The following CAMKK2 variants were observed in gnomAD, a reference collection of about 807,000 sequenced individuals.
The protein encoded by CAMKK2 is calcium/calmodulin-dependent protein kinase kinase 2.
In CAMKK2, 30 loss-of-function variants were observed where a neutral mutation model predicts 67.2. The observed-to-expected ratio is 0.45, with a 90% confidence interval of 0.33 to 0.61. CAMKK2 has a LOEUF of 0.61. CAMKK2 is among the 20% of genes least tolerant of loss of function. The pLI, the probability that CAMKK2 is intolerant of heterozygous loss-of-function variation, is 0.02. For missense variants in CAMKK2, 643 were observed against 802.0 expected, an observed-to-expected ratio of 0.80 and a Z score of 2.39; for synonymous variants, 322 against 326.2, an observed-to-expected ratio of 0.99 and a Z score of 0.14.
chr12:121,248,825 G>A lies in CAMKK2; in HGVS notation c.1324-91C>T, dbSNP rs114555538. On this transcript the variant is annotated intron_variant, in intron 13 of 16. Transcript: ENST00000404169. ...GCGGAGCCACAAGGGCATGCAGGAC[G>A]GAGAGGCAAGGGCCTGTGGTCAGGC... The A allele has an allele frequency of 8.4e-4, 1,227 of 1,466,014 alleles. 11 individuals carry two copies. In the African/African-American group the frequency reaches 0.013, roughly 16 times the overall value. The allele number at this position is 1,466,014 out of a possible 1,614,324, so 90.8% of individuals were successfully genotyped here. A position where few individuals can be genotyped will look rare whatever the true frequency, so the allele number is the denominator to read the frequency against.
In CAMKK2 at chr12:121,258,659, C is replaced by T. The variant is rs184363270; in HGVS notation, c.796+1660G>A. Among the ~76,000 whole-genome samples, 302 of 152,180 alleles carry T rather than the reference C, an allele frequency of 2.0e-3. 1 individual carries two copies. Among genetic ancestry groups the T allele is most frequent in the African/African-American group, 7.2e-3 (298 of 41,518 alleles). On this transcript the variant is annotated intron_variant, in intron 7 of 16. Transcript: ENST00000404169. ...TTTTCAAAACCACTGGAATCACATA[C>T]CCCAAATTAGCATGGCTTTCTGCAA... is the stretch of plus-strand genomic sequence containing the variant.
In CAMKK2 at chr12:121,240,936, C is replaced by T; in HGVS notation, c.1597-67G>A. 1 of 1,542,328 alleles carries T rather than the reference C, an allele frequency of 6.5e-7. No individual in the cohort carries two copies. Among genetic ancestry groups the T allele is most frequent in the Non-Finnish European group, 8.8e-7 (1 of 1,130,714 alleles). Reference sequence around the variant, plus strand: ...TGCCAGCGAGGCCCTGAGCCAGCTGCTCCCACATCTGGGCCCCCTGCCCAA... The same window carrying T: ...TGCCAGCGAGGCCCTGAGCCAGCTGTTCCCACATCTGGGCCCCCTGCCCAA... On this transcript the variant is annotated intron_variant, in intron 16 of 16. Coordinates refer to ENST00000404169, the MANE Select transcript of CAMKK2 (RefSeq NM_001270485.2). This position sits in a 1 kb window ranked among gnomAD's most constrained non-coding sequence, Gnocchi z 4.4.
At chr12:121,251,533 C>T (rs59185521) in intron 11 of CAMKK2, among the ~76,000 whole-genome samples, 4,146 of 152,098 alleles carry the variant, frequency 0.027, 202 homozygotes, top group African/African-American at 0.095. Flanking sequence ...AGAGTTAAAA[C>T]GAGAAGGCCA....
At position 121,274,274 on chromosome 12, in the gene CAMKK2, T is replaced by A. The variant is rs3817190; in HGVS notation, c.253A>T (p.Thr85Ser). 0.41 allele frequency: 656,877 copies of A among 1,611,448 alleles called. 136,995 individuals carry two copies. The highest frequency in any genetic ancestry group is 0.58 in the African/African-American group (43,348 of 74,878). ...TGGGGCCGGGCCTGGGACCCGGAGGTGTCAAGGGGGACCTCTTGGCCATCG... is the reference window on the plus strand; with the variant it reads ...TGGGGCCGGGCCTGGGACCCGGAGGAGTCAAGGGGGACCTCTTGGCCATCG... Reference protein sequence around the residue: ...EADGQEVPLDTSGSQARPHLS... With the variant: ...EADGQEVPLDSSGSQARPHLS... Residue 85 changes from threonine to serine, a missense_variant, in exon 2 of 17, where the codon ACC becomes TCC. Around this residue, in one of 3 missense-constraint regions of CAMKK2, gnomAD observed 483 missense variants for 625.8 expected, o/e 0.77. Transcript: ENST00000404169.
At chr12:121,266,276 G>A (rs1406007442) in intron 5 of CAMKK2, among the ~76,000 whole-genome samples, 3 of 152,142 alleles carry the variant, frequency 2.0e-5, no homozygotes, top group African/African-American at 4.8e-5. Context: ...AATAAATATC[G>A]GTTAGGTTAA....
chr12:121,254,097 G>C (rs1297844265), intron 9 of CAMKK2, among the ~76,000 whole-genome samples: 1 of 152,188 alleles, frequency 6.6e-6, no homozygotes, highest in Admixed American at 6.5e-5. Flanking sequence ...GCCCTGCGTT[G>C]TGTTTCACAT....
At chr12:121,256,526 C>T (rs1892332006) in intron 7 of CAMKK2, among the ~76,000 whole-genome samples, 2 of 152,114 alleles carry the variant, frequency 1.3e-5, no homozygotes, top group South Asian at 2.1e-4. Context: ...CAAAAGAAAA[C>T]CTCATACCCA....
At chr12:121,252,974 G>A (rs1891088865) in intron 10 of CAMKK2, among the ~76,000 whole-genome samples, 1 of 152,200 alleles carries the variant, frequency 6.6e-6, no homozygotes, top group Admixed American at 6.5e-5. Flanking sequence ...GGTTTTCACA[G>A]GCACTATTCA....
intron 1 of CAMKK2, among the ~76,000 whole-genome samples, chr12:121,284,624 C>T (rs1229419777): frequency 6.6e-6 from 1 of 152,138 alleles, no homozygotes; most frequent in African/African-American, 2.4e-5. Context: ...CGCACCCGGC[C>T]GGGCTGAGTT....
rs889296451 is a variant in CAMKK2, at chr12:121,245,008, G to A, written c.1553+132C>T. 2 of 649,654 alleles carry A rather than the reference G, an allele frequency of 3.1e-6. No individual in the cohort carries two copies. Among genetic ancestry groups the A allele is most frequent in the Non-Finnish European group, 2.7e-6 (1 of 366,688 alleles). 40.2% of individuals were successfully genotyped at this position (649,654 alleles called of 1,614,324 possible). On this transcript the variant is annotated intron_variant, in intron 15 of 16. Transcript: ENST00000404169. This position sits in a 1 kb window ranked among gnomAD's most constrained non-coding sequence, Gnocchi z 5.8. ...GGTGCTGACTGTCCCAGTGCACCAG[G>A]TGGGTTTCATCTGAGTCTCTCCAGA...
intron 1 of CAMKK2, among the ~76,000 whole-genome samples, chr12:121,278,192 G>C (rs547895132): frequency 6.6e-6 from 1 of 151,782 alleles, no homozygotes; most frequent in Non-Finnish European, 1.5e-5. Context: ...CCATCAATGA[G>C]AGAATACAAC....
rs1223251103 is a variant in CAMKK2 at position 121,255,584 on chromosome 12, G to T, written c.873C>A (p.Phe291Leu). ...LKPLSEDQAR[F>L]YFQDLIKGIE... is the part of the protein sequence containing the mutation. ...TGCCTTTGATCAGATCCTGGAAGTA[G>T]AAACGGGCCTGGTCTTCAGAGAGTG... Residue 291 changes from phenylalanine to leucine, a missense_variant, in exon 9 of 17, where the codon TTC (phenylalanine) becomes TTA (leucine). This residue lies in a region of CAMKK2 where 483 missense variants were observed against 625.8 expected (regional missense o/e 0.77). Transcript: ENST00000404169. The T allele has an allele frequency of 6.2e-7, 1 of 1,612,504 alleles. No individual in the cohort carries two copies. The highest frequency in any genetic ancestry group is 8.5e-7 in the Non-Finnish European group (1 of 1,179,674).
intron 5 of CAMKK2, among the ~76,000 whole-genome samples, chr12:121,266,558 G>A (rs549267344): frequency 6.6e-5 from 10 of 150,516 alleles, no homozygotes; most frequent in East Asian, 2.0e-4. Flanking sequence ...GTGCAGTGGC[G>A]CGATCTCGGC....
chr12:121,240,815 C>T lies in CAMKK2; in HGVS notation c.1651G>A (p.Gly551Arg). 6.2e-7 allele frequency: 1 copy of T among 1,611,876 alleles called. No individual in the cohort carries two copies. Among genetic ancestry groups the T allele is most frequent in the Non-Finnish European group, 8.5e-7 (1 of 1,179,720 alleles). The change falls in exon 17 of 17, where the codon GGA becomes AGA. Residue 551 changes from glycine to arginine, a missense_variant. Gly to Arg is a moderately radical substitution (Grantham distance 125, BLOSUM62 -2). This residue lies in a region of CAMKK2 where 140 missense variants were observed against 124.2 expected (regional missense o/e 1.13). Coordinates refer to ENST00000404169, the MANE Select transcript of CAMKK2 (RefSeq NM_001270485.2). This position sits in a 1 kb window ranked among gnomAD's most constrained non-coding sequence, Gnocchi z 4.4. ...PGHRPAPRGG[G>R]GSALVRGSPC... Reference sequence around the variant, plus strand: ...CTGCCTCTCACAAGAGCACTTCCTCCTCCCCCACGGGGGGCGGGTCGGTGC... The same window carrying T: ...CTGCCTCTCACAAGAGCACTTCCTCTTCCCCCACGGGGGGCGGGTCGGTGC...
chr12:121,275,935 G>A (rs1896710514), intron 1 of CAMKK2, among the ~76,000 whole-genome samples: 1 of 152,156 alleles, frequency 6.6e-6, no homozygotes, highest in Non-Finnish European at 1.5e-5. Flanking sequence ...GACAGGGCGG[G>A]TGGATCATGA....
chr12:121,297,712 G>C (rs1382523851), upstream of CAMKK2: 1 of 517,490 alleles, frequency 1.9e-6, no homozygotes, highest in East Asian at 5.5e-5. Flanking sequence ...GTTGACAGGA[G>C]AGTCAACCTC....
intron 2 of CAMKK2, among the ~76,000 whole-genome samples, chr12:121,271,189 C>T (rs781531510): frequency 1.3e-5 from 2 of 151,008 alleles, no homozygotes; most frequent in Non-Finnish European, 1.5e-5. Context: ...GCACGAGAAT[C>T]GCGTGAGCCC....
chr12:121,255,881 C>A, intron 7 of CAMKK2, 77 bp from the exon 8 acceptor site: 1 of 1,346,414 alleles, frequency 7.4e-7, no homozygotes. Context: ...CACCTCCCAA[C>A]CACCTCCAGA....
intron 1 of CAMKK2, among the ~76,000 whole-genome samples, chr12:121,283,508 G>A (rs993749357): frequency 6.6e-6 from 1 of 152,094 alleles, no homozygotes; most frequent in Non-Finnish European, 1.5e-5. Context: ...CCGATATACT[G>A]GCCTTACACC....
Sources: allele counts gnomAD v4.1 joint callset (sites outside exome capture counted in the v4.1 genomes callset), GRCh38; gene constraint gnomAD v4.1.1; regional missense constraint gnomAD v4.1.1; non-coding constraint Gnocchi (gnomAD v3.1); transcripts MANE v1.5; gene names NCBI Gene and HGNC (gene_info 2026-07-23, HGNC 2026-07-21).